The following TAGLN2 variants were observed in gnomAD, a reference collection of about 807,000 sequenced individuals.
The protein encoded by TAGLN2 is transgelin 2.
In TAGLN2, 14 loss-of-function variants were observed where a neutral mutation model predicts 24.9. That is an observed-to-expected ratio of 0.56 (90% CI 0.37 to 0.88). TAGLN2 has a LOEUF of 0.88. Ranked by LOEUF, TAGLN2 falls within the 40% of genes least tolerant of loss-of-function variation. The pLI is 0.00. For missense variants in TAGLN2, 208 were observed against 258.9 expected, an observed-to-expected ratio of 0.80 and a Z score of 1.35; for synonymous variants, 77 against 98.2, an observed-to-expected ratio of 0.78 and a Z score of 1.28.
rs1356418393 is a variant in TAGLN2 at position 159,918,802 on chromosome 1, A to G, written c.598T>C (p.Ter200ArgextTer14). ...TGYGMPRQIL[*>R] ...CAGGGGCAAGGCCTGGGGTGGGATC[A>G]GAGGATCTGGCGTGGCATCCCGTAG... Residue 200 changes from the stop codon to arginine (R), a stop_lost, in exon 5 of 5, where the codon TGA becomes CGA. Transcript: ENST00000368097. 9 of 1,614,094 alleles carry G rather than the reference A, an allele frequency of 5.6e-6. No individual in the cohort carries two copies. The highest frequency in any genetic ancestry group is 7.6e-6 in the Non-Finnish European group (9 of 1,179,938).
chr1:159,922,204 C>A (rs1004949800), intron 1 of TAGLN2, among the ~76,000 whole-genome samples: 4 of 152,184 alleles, frequency 2.6e-5, no homozygotes, highest in African/African-American at 9.7e-5. Context: ...CAACACCTCT[C>A]GGCCGCAGAG....
Position 159,920,344 on chromosome 1 carries a change from G to A in TAGLN2, c.166C>T (p.Leu56Phe). ...QPGRENFQNW[L>F]KDGTVLCELI... ...CCGGCTCTCACCGTGCCATCCTTGA[G>A]CCAGTTCTGGAAGTTCTCGCGTCCA... The change falls in exon 2 of 5, where the codon CTC becomes TTC. Residue 56 changes from leucine (L) to phenylalanine (F), a missense_variant. Transcript: ENST00000368097. 2 of 1,614,264 alleles carry A rather than the reference G, an allele frequency of 1.2e-6. No individual in the cohort carries two copies. The highest frequency in any genetic ancestry group is 2.2e-5 in the South Asian group (2 of 91,090).
intron 3 of TAGLN2, 117 bp from the exon 4 acceptor site, chr1:159,919,493 AC>A (rs879046623): frequency 4.5e-6 from 6 of 1,324,264 alleles, no homozygotes; most frequent in South Asian, 3.7e-5. Context: ...TCATTTCCAT[AC>A]CCTTCTCCAT....
intron 1 of TAGLN2, among the ~76,000 whole-genome samples, chr1:159,922,803 C>T (rs1650576760): frequency 6.6e-6 from 1 of 152,162 alleles, no homozygotes; most frequent in Admixed American, 6.5e-5. Context: ...CTTCCAGTGC[C>T]CCCCAACCCC....
In TAGLN2 at chr1:159,918,880, T is replaced by A; in HGVS notation, c.520A>T (p.Ile174Phe). The change falls in exon 5 of 5, where the codon ATC becomes TTC. Residue 174 changes from isoleucine to phenylalanine, a missense_variant. By Grantham distance (21) the Ile-to-Phe change is conservative. Coordinates refer to ENST00000368097, the MANE Select transcript of TAGLN2 (RefSeq NM_003564.3). Reference protein sequence around the residue: ...DNQLQEGKNVIGLQMGTNRGA... With the variant: ...DNQLQEGKNVFGLQMGTNRGA... ...CGGTTGGTGCCCATCTGTAACCCGA[T>A]CACGTTCTTGCCCTCTTGCAGCTGG... is the stretch of plus-strand genomic sequence containing the variant. 1 of 1,614,252 alleles carries A rather than the reference T, an allele frequency of 6.2e-7. No individual in the cohort carries two copies. The highest frequency in any genetic ancestry group is 2.2e-5 in the East Asian group (1 of 44,888).
rs528211349 is a variant in TAGLN2, at chr1:159,921,523, T to C, written c.-28-986A>G. Among the ~76,000 whole-genome samples the C allele has an allele frequency of 5.3e-5, 8 of 152,352 alleles. No individual in the cohort carries two copies. The East Asian group carries it at 1.5e-3, about 29-fold the overall frequency. On this transcript the variant is annotated intron_variant, in intron 1 of 4. Coordinates refer to ENST00000368097, the MANE Select transcript of TAGLN2 (RefSeq NM_003564.3). ...CACAGCTCTGCCAACACCTGTATTT[T>C]AGCCAGTGAGACCCCTGTTGAGTCT...
Position 159,919,301 on chromosome 1 carries a change from A to G in TAGLN2, c.431T>C (p.Phe144Ser), listed in dbSNP as rs774810841. 1 of 1,614,200 alleles carries G rather than the reference A, an allele frequency of 6.2e-7. No individual in the cohort carries two copies. Among genetic ancestry groups the G allele is most frequent in the East Asian group, 2.2e-5 (1 of 44,884 alleles). Residue 144 changes from phenylalanine (F) to serine (S), a missense_variant, in exon 4 of 5, where the codon TTC becomes TCC. Transcript: ENST00000368097. ...AGGGAACCAGTTGGGATCCCCAGAG[A>G]AGAGCCCATCATCTCGGGCTACTGC... ...GLAVARDDGLFSGDPNWFPKK... is the reference protein window; with the variant it reads ...GLAVARDDGLSSGDPNWFPKK...
chr1:159,922,424 AC>A (rs1650563780), intron 1 of TAGLN2, among the ~76,000 whole-genome samples: 1 of 152,188 alleles, frequency 6.6e-6, no homozygotes, highest in Admixed American at 6.5e-5. Context: ...AGCGCCAGGC[AC>A]ACACACCATC....
rs1169880789 is a variant in TAGLN2 at position 159,918,647 on chromosome 1, G to T, written c.*153C>A. On this transcript the variant is annotated 3_prime_UTR_variant, in exon 5 of 5. Transcript: ENST00000368097. ...AGCATGGGGGAGAGGATGCCAGCAGGCACCTCAGAGGTGACAGGACAGGCT... is the reference window on the plus strand; with the variant it reads ...AGCATGGGGGAGAGGATGCCAGCAGTCACCTCAGAGGTGACAGGACAGGCT... 2 of 1,030,110 alleles carry T rather than the reference G, an allele frequency of 1.9e-6. No individual in the cohort carries two copies. Among genetic ancestry groups the T allele is most frequent in the African/African-American group, 1.6e-5 (1 of 62,606 alleles). 63.8% of individuals were successfully genotyped at this position (1,030,110 alleles called of 1,614,324 possible).
intron 1 of TAGLN2, chr1:159,923,303 G>T: frequency 9.7e-7 from 1 of 1,033,298 alleles, no homozygotes; most frequent in Non-Finnish European, 1.4e-6. Flanking sequence ...CTGGCAGGGA[G>T]CAACCTAAAC....
chr1:159,919,193 G>A, intron 4 of TAGLN2, 81 bp downstream of exon 4: 1 of 1,424,950 alleles, frequency 7.0e-7, no homozygotes, highest in African/African-American at 1.4e-5. Context: ...AGCTGCTACT[G>A]AGATAAGTTA....
At chr1:159,923,664 A>C in intron 1 of TAGLN2, 3 of 490,110 alleles carry the variant, frequency 6.1e-6, no homozygotes, top group East Asian at 3.5e-5. Flanking sequence ...AGCAGCAAGG[A>C]TGGGGGGCGG....
intron 1 of TAGLN2, chr1:159,925,227 T>G (rs1557927402): frequency 6.6e-6 from 1 of 152,134 alleles, no homozygotes; most frequent in African/African-American, 2.4e-5. Flanking sequence ...GGACGCCCTG[T>G]CTATGCATGG....
At position 159,918,524 on chromosome 1, in the gene TAGLN2, G is replaced by A; in HGVS notation, c.*276C>T. 2.4e-6 allele frequency: 1 copy of A among 421,012 alleles called. No homozygotes were observed. Among genetic ancestry groups the A allele is most frequent in the African/African-American group, 2.0e-5 (1 of 49,646 alleles). The allele number at this position is 421,012 out of a possible 1,614,324, so 26.1% of individuals were successfully genotyped here. A position where few individuals can be genotyped will look rare whatever the true frequency, so the allele number is the denominator to read the frequency against. ...GAGAGACAGAATAGGCCAGGGCATG[G>A]CGGTGAGGGACTGAGGCCCCTAAAT... On this transcript the variant is annotated 3_prime_UTR_variant, in exon 5 of 5. Coordinates refer to ENST00000368097, the MANE Select transcript of TAGLN2 (RefSeq NM_003564.3).
At position 159,918,689 on chromosome 1, in the gene TAGLN2, C is replaced by T; in HGVS notation, c.*111G>A. On this transcript the variant is annotated 3_prime_UTR_variant, in exon 5 of 5. Coordinates refer to ENST00000368097, the MANE Select transcript of TAGLN2 (RefSeq NM_003564.3). ...GGACAGGCTGAACCCCCCACCCTGA[C>T]AGAAAGGAGCTTGAGAGCTCTGGGG... is the stretch of plus-strand genomic sequence containing the variant. 1 of 1,475,482 alleles carries T rather than the reference C, an allele frequency of 6.8e-7. No homozygotes were observed. The highest frequency in any genetic ancestry group is 9.1e-7 in the Non-Finnish European group (1 of 1,095,528). 91.4% of individuals were successfully genotyped at this position (1,475,482 alleles called of 1,614,324 possible).
In TAGLN2 at chr1:159,919,821, G is replaced by A. The variant is rs554968701; in HGVS notation, c.195C>T (p.Leu65=). Residue 65 remains leucine (L), a synonymous_variant, in exon 3 of 5, where the codon CTC becomes CTT. Coordinates refer to ENST00000368097, the MANE Select transcript of TAGLN2 (RefSeq NM_003564.3). ...GCCCCTCGGGGTACAGTGCATTAAT[G>A]AGCTCACATAGCACCTGGATGAGGA... The part of the protein sequence containing the change: ...WLKDGTVLCE[L]INALYPEGQA... The A allele has an allele frequency of 4.0e-5, 64 of 1,614,076 alleles. No individual in the cohort carries two copies. In the Middle Eastern group the frequency reaches 1.2e-3, roughly 29 times the overall value.
At chr1:159,922,890 C>G in intron 1 of TAGLN2, among the ~76,000 whole-genome samples, 1 of 152,378 alleles carries the variant, frequency 6.6e-6, no homozygotes, top group East Asian at 1.9e-4. Context: ...CTCCACCGCC[C>G]AACGCTGGGG....
rs1557924051 is a variant in TAGLN2 at position 159,918,767 on chromosome 1, C to G, written c.*33G>C. 6.2e-7 allele frequency: 1 copy of G among 1,607,322 alleles called. No individual in the cohort carries two copies. The highest frequency in any genetic ancestry group is 1.3e-5 in the African/African-American group (1 of 74,686). ...TATATCTACATATATATTAACCATT[C>G]GTGGGAGGGCAGGGGCAAGGCCTGG... is the stretch of plus-strand genomic sequence containing the variant. On this transcript the variant is annotated 3_prime_UTR_variant, in exon 5 of 5. Transcript: ENST00000368097.
intron 3 of TAGLN2, 26 bp downstream of exon 3, chr1:159,919,635 G>A (rs765116847): frequency 1.2e-6 from 2 of 1,606,726 alleles, no homozygotes; most frequent in South Asian, 1.1e-5. Context: ...CTGGATGACA[G>A]GACCCAGCCC....
Sources: gnomAD v4.1 joint callset for allele counts (sites outside exome capture counted in the v4.1 genomes callset) on GRCh38, gnomAD v4.1.1 for gene constraint, MANE v1.5 for transcripts, NCBI Gene and HGNC (gene_info 2026-07-23, HGNC 2026-07-21) for gene names.